The following TMEM178A variants were observed in gnomAD, a reference collection of about 807,000 sequenced individuals.
TMEM178A encodes the protein transmembrane protein 178.
TMEM178A carries 12 observed loss-of-function variants against 29.1 expected under a neutral mutation model. The observed-to-expected ratio is 0.41, with a 90% CI of 0.26 to 0.67. TMEM178A has a LOEUF of 0.67. Among genes scored for constraint, TMEM178A ranks in the 30% least tolerant of loss-of-function variants. The pLI is 0.29. For missense variants in TMEM178A, 366 were observed against 419.1 expected (o/e 0.87, Z 1.11); for synonymous variants, 210 against 187.2 (o/e 1.12, Z -0.99).
At chr2:39,701,404 A>G (rs1265750653) in intron 1 of TMEM178A, among the ~76,000 whole-genome samples, 3 of 152,130 alleles carry the variant, frequency 2.0e-5, no homozygotes, top group Non-Finnish European at 4.4e-5. Context: ...TTCTGATGAG[A>G]AATCAGCTGG....
chr2:39,719,185 G>T (rs749148577), downstream of TMEM178A, among the ~76,000 whole-genome samples: 1 of 152,206 alleles, frequency 6.6e-6, no homozygotes, highest in Non-Finnish European at 1.5e-5. Flanking sequence ...CGTATAGAAA[G>T]GGTCAATTAT....
chr2:39,731,170 G>A, the TMEM178A span, among the ~76,000 whole-genome samples: 219 of 152,322 alleles, frequency 1.4e-3, 1 homozygote, highest in African/African-American at 5.1e-3. Flanking sequence ...GGTGTTGTTG[G>A]CATAAAGAAT....
At chr2:39,707,884 C>T (rs1375415414) in intron 3 of TMEM178A, among the ~76,000 whole-genome samples, 3 of 152,204 alleles carry the variant, frequency 2.0e-5, no homozygotes, top group Admixed American at 2.0e-4. Flanking sequence ...AACCCATGCC[C>T]CGCTGGATGT....
chr2:39,734,879 T>C, the TMEM178A span, among the ~76,000 whole-genome samples: 1 of 152,180 alleles, frequency 6.6e-6, no homozygotes, highest in African/African-American at 2.4e-5. Flanking sequence ...CATCAGTACA[T>C]CCTTCTGGTT....
At chr2:39,714,674 G>A (rs1233095516) in intron 3 of TMEM178A, among the ~76,000 whole-genome samples, 2 of 152,188 alleles carry the variant, frequency 1.3e-5, no homozygotes, top group African/African-American at 2.4e-5. Flanking sequence ...AATCATTCTG[G>A]TTAAATCCCC....
At chr2:39,696,289 T>C (rs1244498288) in intron 1 of TMEM178A, among the ~76,000 whole-genome samples, 1 of 152,192 alleles carries the variant, frequency 6.6e-6, no homozygotes, top group Admixed American at 6.5e-5. Context: ...GCTGTTGCCA[T>C]GTGTCTGTTT....
At chr2:39,673,669 C>G (rs1318076583) in intron 1 of TMEM178A, among the ~76,000 whole-genome samples, 1 of 152,182 alleles carries the variant, frequency 6.6e-6, no homozygotes, top group Admixed American at 6.5e-5. Context: ...AATGCAAACC[C>G]ACACCATGCT....
rs1672607306 is a variant in TMEM178A at position 39,717,718 on chromosome 2, A to G, written c.*467A>G. On this transcript the variant is annotated 3_prime_UTR_variant, in exon 4 of 4. Coordinates refer to ENST00000281961, the MANE Select transcript of TMEM178A (RefSeq NM_152390.3). ...TGGTGTCTTATTGTGTCAGCACCAA[A>G]TATTTGTGCATTATTTGTGGACGTT... The G allele has an allele frequency of 6.6e-6, 1 of 152,554 alleles. No individual in the cohort carries two copies. Among genetic ancestry groups the G allele is most frequent in the South Asian group, 2.1e-4 (1 of 4,870 alleles). 9.5% of individuals were successfully genotyped at this position (152,554 alleles called of 1,614,324 possible). A position where few individuals can be genotyped will look rare whatever the true frequency, so the allele number is the denominator to read the frequency against.
intron 1 of TMEM178A, among the ~76,000 whole-genome samples, chr2:39,688,739 A>AT (rs981920411): frequency 5.3e-4 from 80 of 152,326 alleles, no homozygotes; most frequent in African/African-American, 1.9e-3. Context: ...TCAGTTCAGT[A>AT]TTTTTTTGAA....
intron 1 of TMEM178A, among the ~76,000 whole-genome samples, chr2:39,685,138 T>C (rs1558449132): frequency 6.6e-6 from 1 of 152,204 alleles, no homozygotes; most frequent in Non-Finnish European, 1.5e-5. Context: ...GGGTTCCCAA[T>C]AGAGAGCAAG....
At chr2:39,713,911 T>C (rs1460150250) in intron 3 of TMEM178A, among the ~76,000 whole-genome samples, 3 of 152,238 alleles carry the variant, frequency 2.0e-5, no homozygotes, top group Non-Finnish European at 4.4e-5. Flanking sequence ...TTTTGTTTTT[T>C]AAAATATCTT....
intron 2 of TMEM178A, 77 bp downstream of exon 2, chr2:39,704,271 G>T: frequency 8.3e-7 from 1 of 1,211,798 alleles, no homozygotes; most frequent in Non-Finnish European, 1.2e-6. Flanking sequence ...TCTCACATCT[G>T]GACAGAAGGA....
Position 39,673,324 on chromosome 2 carries a change from T to A in TMEM178A, c.400+6950T>A, listed in dbSNP as rs554014943. ...AACAGTAATGTCATGGGGACACCCATCAGGGAATGCATTAGCAAGTGAACA... is the reference window on the plus strand; with the variant it reads ...AACAGTAATGTCATGGGGACACCCAACAGGGAATGCATTAGCAAGTGAACA... On this transcript the variant is annotated intron_variant, in intron 1 of 3. Coordinates refer to ENST00000281961, the MANE Select transcript of TMEM178A (RefSeq NM_152390.3). Among the ~76,000 whole-genome samples, 399 of 152,344 alleles carry A rather than the reference T, an allele frequency of 2.6e-3. 1 individual carries two copies. Among genetic ancestry groups the A allele is most frequent in the Non-Finnish European group, 4.9e-3 (335 of 68,038 alleles).
intron 1 of TMEM178A, 22 bp downstream of exon 1, chr2:39,666,396 C>T (rs1287300633): frequency 2.0e-5 from 26 of 1,321,040 alleles, no homozygotes; most frequent in East Asian, 6.9e-5. Flanking sequence ...GCGCACCCCG[C>T]GTCCCCGGCG....
intron 1 of TMEM178A, among the ~76,000 whole-genome samples, chr2:39,680,783 G>T (rs1257722898): frequency 6.6e-6 from 1 of 152,126 alleles, no homozygotes; most frequent in Non-Finnish European, 1.5e-5. Context: ...GAAAAACATT[G>T]TAGGTTTATT....
chr2:39,702,736 T>TA (rs1000276779), intron 1 of TMEM178A, among the ~76,000 whole-genome samples: 27 of 144,986 alleles, frequency 1.9e-4, no homozygotes, highest in East Asian at 8.0e-4. Flanking sequence ...AAATAAAAAA[T>TA]AAAAAAAAAA....
the TMEM178A span, among the ~76,000 whole-genome samples, chr2:39,729,501 T>C: frequency 1.3e-5 from 2 of 152,244 alleles, no homozygotes; most frequent in Non-Finnish European, 2.9e-5. Flanking sequence ...ATGTACCCTT[T>C]GGATGCCCAA....
intron 1 of TMEM178A, among the ~76,000 whole-genome samples, chr2:39,675,635 T>C (rs1051121836): frequency 4.6e-5 from 7 of 152,234 alleles, no homozygotes; most frequent in Non-Finnish European, 7.3e-5. Context: ...TTTTAGAGCA[T>C]GTTTTTATTT....
intron 1 of TMEM178A, among the ~76,000 whole-genome samples, chr2:39,701,994 T>C (rs1671801656): frequency 6.6e-6 from 1 of 152,186 alleles, no homozygotes; most frequent in Non-Finnish European, 1.5e-5. Flanking sequence ...TTTGAACATA[T>C]TTAAAATAGC....
Sources: gnomAD v4.1 joint callset for allele counts (sites outside exome capture counted in the v4.1 genomes callset) on GRCh38, gnomAD v4.1.1 for gene constraint, MANE v1.5 for transcripts, NCBI Gene and HGNC (gene_info 2026-07-23, HGNC 2026-07-21) for gene names.